Variants in ADGRV1 observed in about 807,000 individuals in gnomAD.
ADGRV1 encodes adhesion G protein-coupled receptor V1.
In ADGRV1, 359 loss-of-function variants were observed where a neutral mutation model predicts 596.2. That is an observed-to-expected ratio of 0.60 (90% CI 0.55 to 0.66). The LOEUF is 0.66. Among genes scored for constraint, ADGRV1 ranks in the 30% least tolerant of loss-of-function variants. The probability of loss-of-function intolerance (pLI) is 0.00; values close to 1 mark genes in which losing one functional copy is unlikely to be tolerated. For synonymous variants in ADGRV1, 2,681 were observed against 2,679.2 expected (o/e 1.00, Z -0.02); for missense variants, 7,274 against 7,575.6 (o/e 0.96, Z 1.48).
intron 85 of ADGRV1, among the ~76,000 whole-genome samples, chr5:91,017,589 G>A (rs1259215126): frequency 6.6e-6 from 1 of 151,888 alleles, no homozygotes; most frequent in Non-Finnish European, 1.5e-5. Flanking sequence ...GTGCCTCTTG[G>A]TAAATAGGAT....
chr5:91,108,451 C>T (rs1792080788), intron 87 of ADGRV1, among the ~76,000 whole-genome samples: 2 of 93,630 alleles, frequency 2.1e-5, no homozygotes, highest in African/African-American at 8.0e-5. Flanking sequence ...ATTATGATGT[C>T]ATAGGTGCTC....
At chr5:90,679,284 A>G (rs1744636152) in intron 25 of ADGRV1, among the ~76,000 whole-genome samples, 1 of 152,226 alleles carries the variant, frequency 6.6e-6, no homozygotes, top group African/African-American at 2.4e-5. Context: ...ATTTAAAAAT[A>G]ATACTAGATT....
intron 85 of ADGRV1, among the ~76,000 whole-genome samples, chr5:91,048,625 C>T (rs1173115098): frequency 6.6e-6 from 1 of 152,168 alleles, no homozygotes; most frequent in African/African-American, 2.4e-5. Flanking sequence ...TAAAACTAAT[C>T]CTTTCCTTTT....
intron 84 of ADGRV1, among the ~76,000 whole-genome samples, chr5:90,981,690 C>T (rs1165353151): frequency 2.0e-5 from 3 of 151,980 alleles, no homozygotes. Context: ...TGACCCTGAA[C>T]TGGAATAAGC....
chr5:90,794,661 C>T (rs900995411), intron 70 of ADGRV1, among the ~76,000 whole-genome samples: 2 of 152,124 alleles, frequency 1.3e-5, no homozygotes, highest in African/African-American at 4.8e-5. Context: ...TGCCCAATGC[C>T]ATCAAGAACA....
Position 90,874,549 on chromosome 5 carries a change from T to C in ADGRV1, c.17856+10692T>C, listed in dbSNP as rs77688008. On this transcript the variant is annotated intron_variant, in intron 83 of 89. Coordinates refer to ENST00000405460, the MANE Select transcript of ADGRV1 (RefSeq NM_032119.4). Reference sequence around the variant, plus strand: ...CACTCATAAAAAGCTTTTTGGCTCATACTAGATTTTCAATTTAAAAAACTG... The same window carrying C: ...CACTCATAAAAAGCTTTTTGGCTCACACTAGATTTTCAATTTAAAAAACTG... Among the ~76,000 whole-genome samples, 1,180 of 152,084 alleles carry C rather than the reference T, an allele frequency of 7.8e-3. 66 individuals carry two copies. The East Asian group carries it at 0.14, about 18-fold the overall frequency.
intron 16 of ADGRV1, 43 bp from the exon 17 acceptor site, chr5:90,647,455 G>T (rs779571830): frequency 6.4e-7 from 1 of 1,565,204 alleles, no homozygotes; most frequent in East Asian, 2.2e-5. Context: ...ATATGTGATG[G>T]AATCAGAAAA....
intron 86 of ADGRV1, among the ~76,000 whole-genome samples, chr5:91,098,365 G>A (rs1791063653): frequency 6.6e-6 from 1 of 151,592 alleles, no homozygotes; most frequent in African/African-American, 2.4e-5. Context: ...CTCCTCAGAG[G>A]CAGATTAACC....
At chr5:90,817,023 C>T (rs1333025502) in intron 75 of ADGRV1, among the ~76,000 whole-genome samples, 2 of 152,086 alleles carry the variant, frequency 1.3e-5, no homozygotes, top group African/African-American at 4.8e-5. Context: ...TTTACAGTCC[C>T]ACCAACAGTG....
chr5:90,757,209 A>G, intron 57 of ADGRV1, 48 bp downstream of exon 57: 2 of 1,487,940 alleles, frequency 1.3e-6, no homozygotes. Flanking sequence ...TGCTTCAGAC[A>G]TTTTGTAGGC....
chr5:90,944,717 A>G (rs986439249), intron 83 of ADGRV1, among the ~76,000 whole-genome samples: 1 of 152,166 alleles, frequency 6.6e-6, no homozygotes, highest in Non-Finnish European at 1.5e-5. Flanking sequence ...ATTATTTCTC[A>G]TGGAAGTTAA....
rs1395295605 is a variant in ADGRV1, at chr5:90,976,318, GTGTGTATA to G, written c.17974-9024_17974-9017del. Among the ~76,000 whole-genome samples the G allele has an allele frequency of 1.7e-3, 205 of 120,784 alleles. 1 individual carries two copies. The highest frequency in any genetic ancestry group is 6.2e-3 in the African/African-American group (181 of 29,240). 79.2% of individuals were successfully genotyped at this position (120,784 alleles called of 152,430 possible). A position where few individuals can be genotyped will look rare whatever the true frequency, so the allele number is the denominator to read the frequency against. On this transcript the variant is annotated intron_variant, in intron 84 of 89. Transcript: ENST00000405460. ...TGTATATGTGTGTGTGTGTGTGTGTGTGTGTATATATATATATATATATATATATATGT... is the reference window on the plus strand; with the variant it reads ...TGTATATGTGTGTGTGTGTGTGTGTGTATATATATATATATATATATATGT...
At chr5:91,080,588 C>CAAAAA (rs10696264) in intron 86 of ADGRV1, among the ~76,000 whole-genome samples, 880 of 84,372 alleles carry the variant, frequency 0.01, 29 homozygotes, top group African/African-American at 0.042. Context: ...GCACACCCTG[C>CAAAAA]AAAAAAAAAA....
intron 21 of ADGRV1, among the ~76,000 whole-genome samples, chr5:90,665,141 G>C (rs937926587): frequency 3.2e-4 from 48 of 150,432 alleles, no homozygotes; most frequent in African/African-American, 1.1e-3. Context: ...ATGAGTTAGG[G>C]AGGATTCCCT....
chr5:90,654,041 TG>T, intron 20 of ADGRV1, 89 bp downstream of exon 20: 1 of 1,342,992 alleles, frequency 7.4e-7, no homozygotes, highest in Non-Finnish European at 1.0e-6. Flanking sequence ...AGTGCTAACA[TG>T]TATTTGAAAA....
At chr5:90,559,462 A>G (rs1478801622) in intron 1 of ADGRV1, among the ~76,000 whole-genome samples, 1 of 152,156 alleles carries the variant, frequency 6.6e-6, no homozygotes, top group Non-Finnish European at 1.5e-5. Context: ...ATAGAATAAT[A>G]TGTATATGTA....
intron 1 of ADGRV1, among the ~76,000 whole-genome samples, chr5:90,562,976 G>C (rs7737581): frequency 6.6e-6 from 1 of 152,146 alleles, no homozygotes; most frequent in African/African-American, 2.4e-5. Flanking sequence ...CATTTGAGCA[G>C]AGAGATTTTT....
At chr5:90,619,008 A>T (rs1390402420) in intron 3 of ADGRV1, 78 bp from the exon 4 acceptor site, 2 of 655,516 alleles carry the variant, frequency 3.1e-6, no homozygotes, top group Non-Finnish European at 4.8e-6. Flanking sequence ...CTACTTGAAG[A>T]CAAATTCTAC....
chr5:90,714,510 A>C (rs1033764840), intron 42 of ADGRV1, among the ~76,000 whole-genome samples: 1 of 151,768 alleles, frequency 6.6e-6, no homozygotes, highest in Non-Finnish European at 1.5e-5. Flanking sequence ...TTTAAATCCT[A>C]CTTTCTTAGG....
Sources: allele counts gnomAD v4.1 joint callset (sites outside exome capture counted in the v4.1 genomes callset), GRCh38; gene constraint gnomAD v4.1.1; transcripts MANE v1.5; gene names NCBI Gene and HGNC (gene_info 2026-07-23, HGNC 2026-07-21).